Variants in PRKAG3 observed in about 807,000 individuals in gnomAD.
PRKAG3 encodes protein kinase AMP-activated non-catalytic subunit gamma 3.
In PRKAG3, 39 loss-of-function variants were observed where a neutral mutation model predicts 56.5. That is an observed-to-expected ratio of 0.69 (90% CI 0.53 to 0.90). The LOEUF (loss-of-function observed/expected upper bound fraction) is 0.90. Among genes scored for constraint, PRKAG3 ranks in the 40% least tolerant of loss-of-function variants. The pLI, the probability that PRKAG3 is intolerant of heterozygous loss-of-function variation, is 0.00. For synonymous variants in PRKAG3, 243 were observed against 250.1 expected (o/e 0.97, Z 0.27); for missense variants, 628 against 627.5 (o/e 1.00, Z -0.01).
chr2:218,823,867 C>T (rs759390843), exon 13 of PRKAG3: 8 of 1,614,050 alleles, frequency 5.0e-6, no homozygotes, highest in South Asian at 1.1e-5. Context: ...CCACTAGCAC[C>T]AGCCTGTGTA....
intron 4 of PRKAG3, among the ~76,000 whole-genome samples, 190 bp downstream of exon 4, chr2:218,829,788 C>T (rs185706910): frequency 1.4e-4 from 21 of 152,278 alleles, no homozygotes; most frequent in Non-Finnish European, 2.9e-4. Context: ...GCTGTGATGA[C>T]AATTACGTGT....
rs1167392818 is a variant in PRKAG3, at chr2:218,827,942, G to A, written c.774+62C>T. 1 of 1,609,096 alleles carries A rather than the reference G, an allele frequency of 6.2e-7. No homozygotes were observed. Among genetic ancestry groups the A allele is most frequent in the Admixed American group, 1.7e-5 (1 of 59,362 alleles). ...TGGGCTTCTAGGGCACCAGGCTCCAGGAGGACTCCCCTCCGCCCCCGCCCC... is the reference window on the plus strand; with the variant it reads ...TGGGCTTCTAGGGCACCAGGCTCCAAGAGGACTCCCCTCCGCCCCCGCCCC... On this transcript the variant is annotated intron_variant, in intron 6 of 12. Transcript: ENST00000529249. This position sits in a 1 kb window ranked among gnomAD's most constrained non-coding sequence, Gnocchi z 5.3.
chr2:218,828,727 G>T, intron 4 of PRKAG3, 127 bp from the exon 5 acceptor site: 1 of 739,056 alleles, frequency 1.4e-6, no homozygotes, highest in Non-Finnish European at 2.2e-6. Context: ...TCTTCCATGG[G>T]GCCTTCTCCT....
intron 4 of PRKAG3, 107 bp downstream of exon 4, chr2:218,829,871 C>T: frequency 7.0e-7 from 1 of 1,419,074 alleles, no homozygotes; most frequent in Non-Finnish European, 9.7e-7. Context: ...TTTCAGGGGG[C>T]TTGCAGGGGC....
At chr2:218,830,331 G>A in exon 4 of PRKAG3, 1 of 1,610,598 alleles carries the variant, frequency 6.2e-7, no homozygotes, top group Admixed American at 1.7e-5. Context: ...GTGGTCTTGG[G>A]GAATGTGGCC....
At chr2:218,823,977 G>T in intron 12 of PRKAG3, 99 bp from the exon 13 acceptor site, 2 of 1,304,978 alleles carry the variant, frequency 1.5e-6, no homozygotes, top group Non-Finnish European at 2.2e-6. Flanking sequence ...CAACATGACT[G>T]AGGGAGAGAG....
chr2:218,823,807 C>A, exon 13 of PRKAG3: 1 of 1,614,132 alleles, frequency 6.2e-7, no homozygotes, highest in Non-Finnish European at 8.5e-7. Flanking sequence ...GCACCAGTGC[C>A]TGAAGGATGT....
chr2:218,828,677 T>G, intron 4 of PRKAG3, 77 bp from the exon 5 acceptor site: 3 of 1,273,904 alleles, frequency 2.4e-6, no homozygotes, highest in Non-Finnish European at 3.3e-6. Context: ...AGTGCGCACC[T>G]CCCATCTGCC....
chr2:218,824,358 G>T (rs1943900446), exon 12 of PRKAG3: 1 of 1,614,076 alleles, frequency 6.2e-7, no homozygotes, highest in Non-Finnish European at 8.5e-7. Flanking sequence ...GGTTTGCTGG[G>T]CAGCCAGGTG....
At chr2:218,829,853 A>T in intron 4 of PRKAG3, 125 bp downstream of exon 4, 1 of 1,182,034 alleles carries the variant, frequency 8.5e-7, no homozygotes, top group South Asian at 1.3e-5. Context: ...AGTGCTAAGA[A>T]GGAGTCCTTT....
At chr2:218,831,436 T>G in intron 1 of PRKAG3, 61 bp from the exon 2 acceptor site, 6 of 1,454,080 alleles carry the variant, frequency 4.1e-6, no homozygotes, top group Non-Finnish European at 4.7e-6. Flanking sequence ...AAACCCCTTC[T>G]CCCTGAACAC....
intron 4 of PRKAG3, among the ~76,000 whole-genome samples, 159 bp downstream of exon 4, chr2:218,829,819 G>C (rs1943990831): frequency 6.6e-6 from 1 of 152,188 alleles, no homozygotes. Context: ...AGTAGAAGCT[G>C]TCCCTCCCCC....
At chr2:218,830,318 G>T in exon 4 of PRKAG3, 2 of 1,612,180 alleles carry the variant, frequency 1.2e-6, no homozygotes. Context: ...TTGAGCCAAG[G>T]GTGTGGTCTT....
At chr2:218,823,967 C>T in intron 12 of PRKAG3, 89 bp from the exon 13 acceptor site, 3 of 1,350,574 alleles carry the variant, frequency 2.2e-6, no homozygotes, top group Non-Finnish European at 3.2e-6. Context: ...GGAAACAACC[C>T]AACATGACTG....
chr2:218,830,305 A>T (rs981459094), exon 4 of PRKAG3: 50 of 1,613,060 alleles, frequency 3.1e-5, no homozygotes, highest in Non-Finnish European at 4.2e-5. Flanking sequence ...CGGCAGGATC[A>T]GCTTGAGCCA....
chr2:218,826,764 A>T, intron 10 of PRKAG3, 164 bp downstream of exon 10: 1 of 836,740 alleles, frequency 1.2e-6, no homozygotes, highest in Non-Finnish European at 1.9e-6. Context: ...CAGAGAGGCT[A>T]AGCAACTTGC....
At chr2:218,829,897 G>A (rs1177669867) in intron 4 of PRKAG3, 81 bp downstream of exon 4, 2 of 1,558,726 alleles carry the variant, frequency 1.3e-6, no homozygotes, top group Admixed American at 1.7e-5. Flanking sequence ...GCTCAGCAGG[G>A]CATCCTGCAG....
chr2:218,828,134 TC>T, intron 5 of PRKAG3, 72 bp from the exon 6 acceptor site: 1 of 1,339,432 alleles, frequency 7.5e-7, no homozygotes, highest in Non-Finnish European at 1.0e-6. Flanking sequence ...TCAGATCCCC[TC>T]CCCACCCTGC....
At position 218,827,561 on chromosome 2, in the gene PRKAG3, G is replaced by A; in HGVS notation, c.875+14C>T. On this transcript the variant is annotated intron_variant, in intron 8 of 12. Coordinates refer to ENST00000529249, the Ensembl canonical transcript of PRKAG3. The surrounding 1 kb of genome is among the most constrained non-coding windows in gnomAD (Gnocchi z 5.3). ...GGGAGGAGGAGGCTCAGGTGAATGAGCAGAGACACCCACCTATCATTAGGA... is the reference window on the plus strand; with the variant it reads ...GGGAGGAGGAGGCTCAGGTGAATGAACAGAGACACCCACCTATCATTAGGA... The A allele has an allele frequency of 1.2e-6, 2 of 1,612,792 alleles. No individual in the cohort carries two copies. Among genetic ancestry groups the A allele is most frequent in the Non-Finnish European group, 8.5e-7 (1 of 1,178,848 alleles).
Sources: allele counts gnomAD v4.1 joint callset (sites outside exome capture counted in the v4.1 genomes callset), GRCh38; gene constraint gnomAD v4.1.1; non-coding constraint Gnocchi (gnomAD v3.1); transcripts MANE v1.5; gene names NCBI Gene and HGNC (gene_info 2026-07-23, HGNC 2026-07-21).